The following NXN variants were observed in gnomAD, a reference collection of about 807,000 sequenced individuals.
The protein encoded by NXN is nucleoredoxin 1.
NXN carries 16 observed loss-of-function variants against 48.6 expected under a neutral mutation model. The observed-to-expected ratio is 0.33, with a 90% CI of 0.22 to 0.50. NXN has a LOEUF of 0.50. NXN is among the 20% of genes least tolerant of loss of function. The pLI is 0.98. For missense variants in NXN, 492 were observed against 605.5 expected (o/e 0.81, Z 1.97); for synonymous variants, 281 against 269.6 (o/e 1.04, Z -0.41).
At position 935,614 on chromosome 17, in the gene NXN, G is replaced by A. The variant is rs570468607; in HGVS notation, c.360+43705C>T. ...TTCACTCCACACGTGTTTACTGAGC[G>A]TCTACTGTGTCTAAGACCCTGAGCT... On this transcript the variant is annotated intron_variant, in intron 1 of 7. Transcript: ENST00000336868. Among the ~76,000 whole-genome samples the A allele has an allele frequency of 1.4e-3, 213 of 152,276 alleles. 1 individual carries two copies. Among genetic ancestry groups the A allele is most frequent in the Non-Finnish European group, 2.3e-3 (155 of 68,024 alleles).
At chr17:872,193 A>AGAGGGAGG (rs1050374938) in intron 1 of NXN, among the ~76,000 whole-genome samples, 1 of 143,456 alleles carries the variant, frequency 7.0e-6, no homozygotes. Flanking sequence ...AGACAAGAGG[A>AGAGGGAGG]GAGGGAGGGA....
Position 892,677 on chromosome 17 carries a change from G to A in NXN, c.361-66599C>T, listed in dbSNP as rs900121293. ...GGGGGGTGCTGTTCCGCACATTGTA[G>A]AATGTTCATCGCTGTCCCAGGAAAT... On this transcript the variant is annotated intron_variant, in intron 1 of 7. Coordinates refer to ENST00000336868, the MANE Select transcript of NXN (RefSeq NM_022463.5). Among the ~76,000 whole-genome samples, 5 of 152,210 alleles carry A rather than the reference G, an allele frequency of 3.3e-5. No individual in the cohort carries two copies. In the South Asian group the frequency reaches 1.0e-3, roughly 31 times the overall value.
At chr17:802,681 A>G (rs1911267239) in intron 7 of NXN, among the ~76,000 whole-genome samples, 1 of 152,024 alleles carries the variant, frequency 6.6e-6, no homozygotes, top group South Asian at 2.1e-4. Flanking sequence ...AGGGCCTGTG[A>G]ACCTCTTTGC....
chr17:962,544 AAAAT>A (rs1412284177), intron 1 of NXN, among the ~76,000 whole-genome samples: 1 of 152,078 alleles, frequency 6.6e-6, no homozygotes, highest in Non-Finnish European at 1.5e-5. Context: ...ACCCCATCTC[AAAAT>A]AAATAAATAA....
intron 5 of NXN, among the ~76,000 whole-genome samples, chr17:813,342 C>G (rs917099852): frequency 2.0e-5 from 3 of 152,214 alleles, no homozygotes; most frequent in Admixed American, 6.5e-5. Context: ...AGAACTGATA[C>G]CAGTGAAACC....
chr17:977,122 A>C (rs1297332759), intron 1 of NXN, among the ~76,000 whole-genome samples: 1 of 152,200 alleles, frequency 6.6e-6, no homozygotes, highest in African/African-American at 2.4e-5. Context: ...TATGTGTTCC[A>C]TAAGAAGGAC....
At chr17:813,012 A>G (rs138481014) in intron 5 of NXN, among the ~76,000 whole-genome samples, 61 of 151,854 alleles carry the variant, frequency 4.0e-4, no homozygotes, top group African/African-American at 1.3e-3. Flanking sequence ...GCATGTGTGT[A>G]GGTTGTGTGC....
Position 830,790 on chromosome 17 carries a change from CAGG to C in NXN, c.361-4715_361-4713del, listed in dbSNP as rs371659645. ...CCAAGGTGGGCAGATCATCTGAGGTCAGGAGTTCGACAACAGCCTGGCCAACAC... is the reference window on the plus strand; with the variant it reads ...CCAAGGTGGGCAGATCATCTGAGGTCAGTTCGACAACAGCCTGGCCAACAC... On this transcript the variant is annotated intron_variant, in intron 1 of 7. Transcript: ENST00000336868. The surrounding 1 kb of genome is among the most constrained non-coding windows in gnomAD (Gnocchi z 4.2). Among the ~76,000 whole-genome samples the C allele has an allele frequency of 2.0e-4, 31 of 152,208 alleles. No individual in the cohort carries two copies. In the East Asian group the frequency reaches 5.0e-3, roughly 25 times the overall value.
chr17:912,815 G>C (rs1000203058), intron 1 of NXN, among the ~76,000 whole-genome samples: 1 of 152,014 alleles, frequency 6.6e-6, no homozygotes, highest in African/African-American at 2.4e-5. Flanking sequence ...TTAGCCGGGC[G>C]TGGTGGTACG....
At chr17:940,573 G>T (rs996480473) in intron 1 of NXN, among the ~76,000 whole-genome samples, 1 of 152,214 alleles carries the variant, frequency 6.6e-6, no homozygotes, top group East Asian at 1.9e-4. Flanking sequence ...AGGTACGGAC[G>T]GCATGCCTCA....
chr17:813,119 C>A (rs1912261692), intron 5 of NXN, among the ~76,000 whole-genome samples: 1 of 152,260 alleles, frequency 6.6e-6, no homozygotes, highest in Non-Finnish European at 1.5e-5. Context: ...CGGAATCACA[C>A]AAAAGCTCAG....
chr17:827,949 C>G (rs139063395), intron 1 of NXN, among the ~76,000 whole-genome samples: 1 of 152,250 alleles, frequency 6.6e-6, no homozygotes, highest in African/African-American at 2.4e-5. Context: ...TCTGTGGAGA[C>G]CTGTATCTTG....
chr17:827,467 C>T (rs1913182274), intron 1 of NXN, among the ~76,000 whole-genome samples: 1 of 151,776 alleles, frequency 6.6e-6, no homozygotes, highest in Non-Finnish European at 1.5e-5. Flanking sequence ...CTAAAAATTA[C>T]AAAAAATTAG....
chr17:858,304 C>T (rs1393882693), intron 1 of NXN, among the ~76,000 whole-genome samples: 2 of 152,034 alleles, frequency 1.3e-5, no homozygotes, highest in Admixed American at 1.3e-4. Flanking sequence ...CAGGCATGAG[C>T]CACCACGTCC....
chr17:934,726 T>C (rs2068890578), intron 1 of NXN, among the ~76,000 whole-genome samples: 1 of 150,862 alleles, frequency 6.6e-6, no homozygotes, highest in African/African-American at 2.4e-5. Context: ...ATACAGAAAT[T>C]AGCTGGTCGT....
In NXN at chr17:882,700, C is replaced by G. The variant is rs188339549; in HGVS notation, c.361-56622G>C. On this transcript the variant is annotated intron_variant, in intron 1 of 7. Coordinates refer to ENST00000336868, the MANE Select transcript of NXN (RefSeq NM_022463.5). The stretch of plus-strand genomic sequence containing the variant: ...CAGGATGGTCTCGATCTCCTGACCT[C>G]GTGATCTGCCTGCCTTGGCCTCCCA... 9.5e-3 allele frequency among the ~76,000 whole-genome samples: 1,449 copies of G among 152,100 alleles called. 18 individuals carry two copies. The highest frequency in any genetic ancestry group is 0.033 in the African/African-American group (1,379 of 41,470).
At chr17:884,423 T>TA (rs35444861) in intron 1 of NXN, among the ~76,000 whole-genome samples, 5 of 151,262 alleles carry the variant, frequency 3.3e-5, no homozygotes, top group African/African-American at 7.3e-5. Context: ...AATAATCATG[T>TA]AAAAAAAACA....
intron 5 of NXN, among the ~76,000 whole-genome samples, chr17:809,762 A>G (rs1335892503): frequency 9.5e-6 from 1 of 105,486 alleles, no homozygotes; most frequent in African/African-American, 3.2e-5. Flanking sequence ...TTTGCGCCAC[A>G]CTGTTTAGTA....
chr17:933,394 G>A (rs80244055), intron 1 of NXN: 22,913 of 152,020 alleles, frequency 0.15, 2,104 homozygotes, highest in South Asian at 0.27. Flanking sequence ...CACACATCGC[G>A]ACAGGGACAG....
Sources: gnomAD v4.1 joint callset for allele counts (sites outside exome capture counted in the v4.1 genomes callset) on GRCh38, gnomAD v4.1.1 for gene constraint, Gnocchi (gnomAD v3.1) non-coding constraint, MANE v1.5 for transcripts, NCBI Gene and HGNC (gene_info 2026-07-23, HGNC 2026-07-21) for gene names.